LEF1: variants seen among roughly 807,000 people sequenced by gnomAD.
LEF1 encodes lymphoid enhancer binding factor 1, also known as lymphoid enhancer-binding factor 1.
Under a neutral mutation model 51.2 loss-of-function variants are expected in LEF1, and 14 were observed. The ratio of observed to expected loss-of-function variants is 0.27; its 90% CI spans 0.18 to 0.43. LEF1 has a LOEUF of 0.43. Among genes scored for constraint, LEF1 ranks in the 20% least tolerant of loss-of-function variants. The probability of loss-of-function intolerance (pLI) is 1.00; values close to 1 mark genes in which losing one functional copy is unlikely to be tolerated. For missense variants in LEF1, 386 were observed against 512.0 expected, an observed-to-expected ratio of 0.75 and a Z score of 2.37; for synonymous variants, 185 against 183.2, an observed-to-expected ratio of 1.01 and a Z score of -0.08.
rs1738068470 is a variant in LEF1, at chr4:108,066,206, G to A, written c.1117-1822C>T. On this transcript the variant is annotated intron_variant, in intron 9 of 11. Coordinates refer to ENST00000265165, the MANE Select transcript of LEF1 (RefSeq NM_016269.5). ...AGGTGCTCTGGGGACAGGGAGTAGA[G>A]AGGGAGTGCACGCTTCTTTCAAGTA... Among the ~76,000 whole-genome samples the A allele has an allele frequency of 2.6e-5, 4 of 152,202 alleles. 2 individuals are homozygous for A. Among genetic ancestry groups the A allele is most frequent in the Admixed American group, 2.6e-4 (4 of 15,280 alleles).
chr4:108,107,421 T>C (rs551416355), intron 3 of LEF1, among the ~76,000 whole-genome samples: 14 of 152,142 alleles, frequency 9.2e-5, no homozygotes, highest in East Asian at 1.9e-4. Flanking sequence ...TGTGAGACTA[T>C]AGGTAATTTT....
chr4:108,102,278 A>G (rs1578345279), intron 3 of LEF1, among the ~76,000 whole-genome samples: 1 of 152,284 alleles, frequency 6.6e-6, no homozygotes, highest in East Asian at 1.9e-4. Context: ...TCATTACATT[A>G]CTTCAATTCT....
rs141360296 is a variant in LEF1, at chr4:108,153,865, T to G, written c.414+9703A>C. 4.9e-3 allele frequency among the ~76,000 whole-genome samples: 739 copies of G among 152,248 alleles called. 9 individuals carry two copies. The highest frequency in any genetic ancestry group is 0.017 in the African/African-American group (719 of 41,550). On this transcript the variant is annotated intron_variant, in intron 3 of 11. Transcript: ENST00000265165. ...TATTAATAGAAAAAGATATACATAA[T>G]AAGTTGGTGGCAAAAAAGCAAGTTG...
chr4:108,056,663 C>T (rs1389978895), intron 11 of LEF1, among the ~76,000 whole-genome samples: 1 of 152,154 alleles, frequency 6.6e-6, no homozygotes, highest in Non-Finnish European at 1.5e-5. Flanking sequence ...ACAGGTGTCA[C>T]AGGGATTTCT....
intron 3 of LEF1, among the ~76,000 whole-genome samples, chr4:108,154,201 T>C (rs1233710557): frequency 6.6e-6 from 1 of 152,122 alleles, no homozygotes; most frequent in Non-Finnish European, 1.5e-5. Flanking sequence ...ATCAATATTA[T>C]GATGAATTTA....
intron 3 of LEF1, among the ~76,000 whole-genome samples, chr4:108,124,544 A>G (rs766226219): frequency 1.4e-4 from 21 of 151,886 alleles, no homozygotes; most frequent in Non-Finnish European, 2.8e-4. Context: ...TAATTTTTGT[A>G]TTTTTAATAG....
chr4:108,064,494 TTC>T (rs1222207254), intron 9 of LEF1, 110 bp from the exon 10 acceptor site: 2 of 725,152 alleles, frequency 2.8e-6, no homozygotes, highest in Non-Finnish European at 4.7e-6. Context: ...AGATGACTCA[TTC>T]TCTCTCCCTC....
chr4:108,151,095 A>C (rs1744332634), intron 3 of LEF1, among the ~76,000 whole-genome samples: 3 of 152,200 alleles, frequency 2.0e-5, no homozygotes, highest in African/African-American at 7.2e-5. Context: ...ACTGAAAACA[A>C]TGATTCCTAA....
chr4:108,150,104 T>C (rs1323190192), intron 3 of LEF1, among the ~76,000 whole-genome samples: 2 of 152,212 alleles, frequency 1.3e-5, no homozygotes, highest in Non-Finnish European at 2.9e-5. Flanking sequence ...AATTCTAAAC[T>C]AATTTCTCTT....
chr4:108,104,450 A>G (rs1290550043), intron 3 of LEF1, among the ~76,000 whole-genome samples: 1 of 146,860 alleles, frequency 6.8e-6, no homozygotes, highest in Non-Finnish European at 1.5e-5. Flanking sequence ...AATACAATAA[A>G]TATTATATAT....
At chr4:108,091,445 CG>C (rs5860892) in intron 3 of LEF1, among the ~76,000 whole-genome samples, 61,116 of 111,314 alleles carry the variant, frequency 0.55, 13,418 homozygotes, top group East Asian at 0.74. Flanking sequence ...AAGAAACTTA[CG>C]GGGGGGGGAA....
intron 3 of LEF1, among the ~76,000 whole-genome samples, chr4:108,137,916 C>T (rs1743400548): frequency 6.6e-6 from 1 of 152,086 alleles, no homozygotes; most frequent in African/African-American, 2.4e-5. Flanking sequence ...TATATAATTT[C>T]CTTTAGTATA....
chr4:108,089,728 A>T (rs2110268482), intron 3 of LEF1, among the ~76,000 whole-genome samples: 1 of 152,328 alleles, frequency 6.6e-6, no homozygotes, highest in Middle Eastern at 3.4e-3. Flanking sequence ...AATTCAAAGG[A>T]TAAATTTTTA....
intron 3 of LEF1, among the ~76,000 whole-genome samples, chr4:108,129,415 C>T (rs1466265501): frequency 6.6e-6 from 1 of 152,160 alleles, no homozygotes; most frequent in Non-Finnish European, 1.5e-5. Context: ...AAAAATATCA[C>T]TGAATCATGG....
intron 11 of LEF1, among the ~76,000 whole-genome samples, chr4:108,053,606 C>G (rs372797378): frequency 4.6e-5 from 7 of 152,160 alleles, no homozygotes; most frequent in Non-Finnish European, 7.3e-5. Flanking sequence ...AGCCTGTGAC[C>G]GTTAATGAAT....
At chr4:108,120,585 A>T (rs1452426630) in intron 3 of LEF1, among the ~76,000 whole-genome samples, 1 of 152,244 alleles carries the variant, frequency 6.6e-6, no homozygotes, top group Non-Finnish European at 1.5e-5. Context: ...ACCATCAGTG[A>T]ACTTTTCCTA....
chr4:108,120,831 C>T (rs547302627), intron 3 of LEF1, among the ~76,000 whole-genome samples: 27 of 152,278 alleles, frequency 1.8e-4, no homozygotes, highest in Non-Finnish European at 3.8e-4. Context: ...GCTTATGTTG[C>T]GGAATACAAG....
chr4:108,063,903 T>C (rs528443664), intron 10 of LEF1, among the ~76,000 whole-genome samples: 6 of 152,356 alleles, frequency 3.9e-5, no homozygotes, highest in Non-Finnish European at 7.3e-5. Flanking sequence ...CCTATCATTA[T>C]GTTTTAAATT....
At chr4:108,120,027 GTGTGTA>G (rs1341171487) in intron 3 of LEF1, among the ~76,000 whole-genome samples, 10 of 128,970 alleles carry the variant, frequency 7.8e-5, no homozygotes, top group African/African-American at 3.2e-4. Flanking sequence ...GTGTGTGTGT[GTGTGTA>G]TGTATGTATA....
Sources: gnomAD v4.1 joint callset for allele counts (sites outside exome capture counted in the v4.1 genomes callset) on GRCh38, gnomAD v4.1.1 for gene constraint, MANE v1.5 for transcripts, NCBI Gene and HGNC (gene_info 2026-07-23, HGNC 2026-07-21) for gene names.